Variants in SUCLG1 observed in about 807,000 individuals in gnomAD.
The protein encoded by SUCLG1 is succinate-CoA ligase GDP/ADP-forming subunit alpha.
Under a neutral mutation model 37.3 loss-of-function variants are expected in SUCLG1, and 26 were observed. That is an observed-to-expected ratio of 0.70 (90% CI 0.51 to 0.97). The LOEUF (loss-of-function observed/expected upper bound fraction) is 0.97. Among genes scored for constraint, SUCLG1 ranks in the 50% least tolerant of loss-of-function variants. The pLI, the probability that SUCLG1 is intolerant of heterozygous loss-of-function variation, is 0.00. For synonymous variants in SUCLG1, 163 were observed against 155.6 expected, an observed-to-expected ratio of 1.05 and a Z score of -0.36; for missense variants, 433 against 432.9, an observed-to-expected ratio of 1.00 and a Z score of 0.00.
At chr2:84,454,235 T>G (rs1209327091) in intron 1 of SUCLG1, among the ~76,000 whole-genome samples, 1 of 152,246 alleles carries the variant, frequency 6.6e-6, no homozygotes, top group Non-Finnish European at 1.5e-5. Context: ...CTTATATGTT[T>G]ATTTATAAAC....
chr2:84,433,980 A>G (rs896378940), intron 5 of SUCLG1, among the ~76,000 whole-genome samples: 4 of 152,092 alleles, frequency 2.6e-5, no homozygotes, highest in African/African-American at 9.7e-5. Flanking sequence ...GTTCCTTTAC[A>G]TGAGAGCTGG....
At position 84,423,569 on chromosome 2, in the gene SUCLG1, A is replaced by G; in HGVS notation, c.*177T>C. 1.5e-6 allele frequency: 1 copy of G among 679,022 alleles called. No homozygotes were observed. Among genetic ancestry groups the G allele is most frequent in the Non-Finnish European group, 2.7e-6 (1 of 372,878 alleles). 42.1% of individuals were successfully genotyped at this position (679,022 alleles called of 1,614,324 possible). On this transcript the variant is annotated 3_prime_UTR_variant, in exon 9 of 9. Coordinates refer to ENST00000393868, the MANE Select transcript of SUCLG1 (RefSeq NM_003849.4). ...GATTTATTGGCTGTCTCTGTAATAC[A>G]ATGTGGTGAAAACATCTTAATTCAG...
chr2:84,433,104 C>T, intron 6 of SUCLG1: 1 of 551,666 alleles, frequency 1.8e-6, no homozygotes, highest in Non-Finnish European at 3.2e-6. Context: ...TTTTCAGGCA[C>T]CAAGGTGCTT....
chr2:84,452,264 AAG>A (rs1418795029), intron 1 of SUCLG1, among the ~76,000 whole-genome samples: 1 of 152,248 alleles, frequency 6.6e-6, no homozygotes, highest in Middle Eastern at 3.4e-3. Context: ...ATGAATGTGT[AAG>A]AGGTGGGGAG....
At chr2:84,457,162 T>C (rs1178056583) in intron 1 of SUCLG1, among the ~76,000 whole-genome samples, 1 of 152,142 alleles carries the variant, frequency 6.6e-6, no homozygotes, top group Non-Finnish European at 1.5e-5. Flanking sequence ...ACAGACTAAA[T>C]AATTTCTGGT....
rs769785912 is a variant in SUCLG1, at chr2:84,441,231, GT to G, written c.531+15del. ...AGAGGCTTAATCTGAGTTTCTTTTTGTTTTTTTGCACTCACATTGATGACTC... is the reference window on the plus strand; with the variant it reads ...AGAGGCTTAATCTGAGTTTCTTTTTGTTTTTTGCACTCACATTGATGACTC... On this transcript the variant is annotated intron_variant, in intron 4 of 8. Coordinates refer to ENST00000393868, the MANE Select transcript of SUCLG1 (RefSeq NM_003849.4). The G allele has an allele frequency of 2.0e-5, 32 of 1,613,658 alleles. No individual in the cohort carries two copies. The highest frequency in any genetic ancestry group is 2.6e-5 in the Non-Finnish European group (31 of 1,179,922).
At chr2:84,456,936 A>C (rs1480043806) in intron 1 of SUCLG1, among the ~76,000 whole-genome samples, 2 of 152,184 alleles carry the variant, frequency 1.3e-5, no homozygotes, top group Non-Finnish European at 2.9e-5. Context: ...TGCTGGGATT[A>C]CAGGCATGAG....
chr2:84,457,812 A>G (rs560584550), intron 1 of SUCLG1, among the ~76,000 whole-genome samples: 1 of 152,306 alleles, frequency 6.6e-6, no homozygotes, highest in South Asian at 2.1e-4. Context: ...ATTACTGGGT[A>G]TAATGAATTC....
At chr2:84,458,962 C>T (rs1673091195) in intron 1 of SUCLG1, among the ~76,000 whole-genome samples, 1 of 152,200 alleles carries the variant, frequency 6.6e-6, no homozygotes, top group Non-Finnish European at 1.5e-5. Flanking sequence ...TCTCCATCTG[C>T]CAGCGGCCTA....
In SUCLG1 at chr2:84,441,343, T is replaced by C. The variant is rs1408367448; in HGVS notation, c.435A>G (p.Glu145=). The C allele has an allele frequency of 6.2e-7, 1 of 1,614,052 alleles. No individual in the cohort carries two copies. The highest frequency in any genetic ancestry group is 1.3e-5 in the African/African-American group (1 of 74,914). ...AEIPLVVCIT[E]GIPQQDMVRV... ...GTACCATGTCCTGCTGGGGAATTCCTTCAGTGATACACACAACCAAGGGAA... is the reference window on the plus strand; with the variant it reads ...GTACCATGTCCTGCTGGGGAATTCCCTCAGTGATACACACAACCAAGGGAA... Residue 145 remains glutamate (E), a synonymous_variant, in exon 4 of 9, where the codon GAA becomes GAG. Coordinates refer to ENST00000393868, the MANE Select transcript of SUCLG1 (RefSeq NM_003849.4).
At chr2:84,427,911 T>C (rs553279612) in intron 7 of SUCLG1, among the ~76,000 whole-genome samples, 3 of 152,320 alleles carry the variant, frequency 2.0e-5, no homozygotes, top group South Asian at 4.1e-4. Context: ...CACTCATAAG[T>C]GAAACTGGCT....
chr2:84,439,702 A>T (rs1406161373), intron 5 of SUCLG1, among the ~76,000 whole-genome samples: 4 of 152,246 alleles, frequency 2.6e-5, no homozygotes, highest in Non-Finnish European at 5.9e-5. Flanking sequence ...AGATAGAGAA[A>T]AATATGGTCA....
intron 2 of SUCLG1, among the ~76,000 whole-genome samples, 156 bp from the exon 3 acceptor site, chr2:84,443,556 GC>G (rs576200365): frequency 5.9e-5 from 9 of 152,212 alleles, no homozygotes; most frequent in Non-Finnish European, 7.3e-5. Flanking sequence ...GAATCTTGAA[GC>G]AAAACAAGCC....
At chr2:84,430,487 G>A (rs570880952) in intron 7 of SUCLG1, among the ~76,000 whole-genome samples, 1 of 152,278 alleles carries the variant, frequency 6.6e-6, no homozygotes, top group Non-Finnish European at 1.5e-5. Flanking sequence ...TATCTAATAT[G>A]GGAGTTAGGG....
chr2:84,450,434 T>C (rs981609333), intron 1 of SUCLG1, among the ~76,000 whole-genome samples: 7 of 143,148 alleles, frequency 4.9e-5, no homozygotes, highest in African/African-American at 1.8e-4. Flanking sequence ...AAAAAAACCC[T>C]AGGTTATTGC....
At chr2:84,448,906 T>C (rs182747039) in intron 2 of SUCLG1, 123 of 357,650 alleles carry the variant, frequency 3.4e-4, no homozygotes, top group African/African-American at 2.6e-3. Flanking sequence ...ACAAGAAAAA[T>C]ATCTGAAAGG....
chr2:84,448,406 CAATCT>C, intron 2 of SUCLG1, among the ~76,000 whole-genome samples: 1 of 150,830 alleles, frequency 6.6e-6, no homozygotes, highest in East Asian at 2.0e-4. Flanking sequence ...AATATGTTTA[CAATCT>C]GGCCTTTTGC....
At chr2:84,452,197 A>G (rs1203490314) in intron 1 of SUCLG1, among the ~76,000 whole-genome samples, 1 of 151,594 alleles carries the variant, frequency 6.6e-6, no homozygotes, top group Non-Finnish European at 1.5e-5. Context: ...AAAAAAAAAA[A>G]GCCTTGGGCA....
chr2:84,425,391 A>C, intron 8 of SUCLG1, 24 bp downstream of exon 8: 1 of 1,613,922 alleles, frequency 6.2e-7, no homozygotes, highest in Non-Finnish European at 8.5e-7. Flanking sequence ...ACCTCAGAGC[A>C]CCTGGGCCAC....
Sources: allele counts gnomAD v4.1 joint callset (sites outside exome capture counted in the v4.1 genomes callset), GRCh38; gene constraint gnomAD v4.1.1; transcripts MANE v1.5; gene names NCBI Gene and HGNC (gene_info 2026-07-23, HGNC 2026-07-21).